The following WTIP variants were observed in gnomAD, a reference collection of about 807,000 sequenced individuals.
WTIP encodes WT1 interacting protein, also known as Wilms tumor protein 1-interacting protein.
In WTIP, 23 loss-of-function variants were observed where a neutral mutation model predicts 41.7. That is an observed-to-expected ratio of 0.55 (90% CI 0.40 to 0.78). The LOEUF (loss-of-function observed/expected upper bound fraction) is 0.78. WTIP is among the 30% of genes least tolerant of loss of function. WTIP has a pLI of 0.00. For synonymous variants in WTIP, 314 were observed against 269.9 expected, an observed-to-expected ratio of 1.16 and a Z score of -1.60; for missense variants, 619 against 610.5, an observed-to-expected ratio of 1.01 and a Z score of -0.15.
At position 34,500,320 on chromosome 19, in the gene WTIP, G is replaced by T; in HGVS notation, c.*51G>T. 6.7e-7 allele frequency: 1 copy of T among 1,503,646 alleles called. No homozygotes were observed. Among genetic ancestry groups the T allele is most frequent in the South Asian group, 1.3e-5 (1 of 75,910 alleles). 93.1% of individuals were successfully genotyped at this position (1,503,646 alleles called of 1,614,324 possible). On this transcript the variant is annotated 3_prime_UTR_variant, in exon 8 of 8. Transcript: ENST00000590071. Reference sequence around the variant, plus strand: ...GGGGTGGGTGTGGGTGTGGAGGGAGGGCCCGCGTGGGTGGCCCTGGTCAGC... The same window carrying T: ...GGGGTGGGTGTGGGTGTGGAGGGAGTGCCCGCGTGGGTGGCCCTGGTCAGC...
rs2075773816 is a variant in WTIP, at chr19:34,482,536, C to T, written c.562C>T (p.Pro188Ser). The change falls in exon 1 of 8, where the codon CCC becomes TCC. Residue 188 changes from proline to serine, a missense_variant. Pro to Ser is a moderately conservative substitution (Grantham distance 74, BLOSUM62 -1). Around this residue, in one of 3 missense-constraint regions of WTIP, gnomAD observed 363 missense variants for 309.0 expected, o/e 1.17. Transcript: ENST00000590071. ...APFPLPALPL[P>S]PGREGGPSAA... ...CTTCCCGCTGCCTGCACTCCCGCTGCCCCCTGGCCGGGAGGGCGGCCCAAG... is the reference window on the plus strand; with the variant it reads ...CTTCCCGCTGCCTGCACTCCCGCTGTCCCCTGGCCGGGAGGGCGGCCCAAG... 1.6e-6 allele frequency: 2 copies of T among 1,226,952 alleles called. No individual in the cohort carries two copies. Among genetic ancestry groups the T allele is most frequent in the Non-Finnish European group, 2.0e-6 (2 of 985,786 alleles). 76.0% of individuals were successfully genotyped at this position (1,226,952 alleles called of 1,614,324 possible).
chr19:34,481,936 G>T lies in WTIP; in HGVS notation c.-39G>T. On this transcript the variant is annotated 5_prime_UTR_variant, in exon 1 of 8. Coordinates refer to ENST00000590071, the MANE Select transcript of WTIP (RefSeq NM_001080436.2). ...CCCGGCCGGAGCGGCGGCGGGAAGC[G>T]GAGGCGGAGGTGACGCGCCAGGGCC... 1.0e-6 allele frequency: 1 copy of T among 986,670 alleles called. No homozygotes were observed. The highest frequency in any genetic ancestry group is 1.1e-4 in the East Asian group (1 of 9,114). 61.1% of individuals were successfully genotyped at this position (986,670 alleles called of 1,614,324 possible).
intron 1 of WTIP, among the ~76,000 whole-genome samples, chr19:34,490,124 G>A (rs2075818134): frequency 1.3e-5 from 2 of 152,214 alleles, no homozygotes; most frequent in African/African-American, 2.4e-5. Flanking sequence ...GTGATGGACA[G>A]CTTTGATTAG....
chr19:34,503,352 A>G lies in WTIP; in HGVS notation c.*3083A>G, dbSNP rs1256384103. On this transcript the variant is annotated 3_prime_UTR_variant, in exon 8 of 8. Transcript: ENST00000590071. ...CCTCTATGAAGAAACCTTGGCCTCT[A>G]TGAAGTCAGGCCCCAGTTGTGACAC... The G allele has an allele frequency of 1.6e-5, 2 of 122,860 alleles. No homozygotes were observed. The highest frequency in any genetic ancestry group is 8.0e-5 in the Admixed American group (1 of 12,532). 7.6% of individuals were successfully genotyped at this position (122,860 alleles called of 1,614,324 possible). A position where few individuals can be genotyped will look rare whatever the true frequency, so the allele number is the denominator to read the frequency against.
Position 34,505,012 on chromosome 19 carries a change from C to T in WTIP, c.*4743C>T, listed in dbSNP as rs1401087024. On this transcript the variant is annotated 3_prime_UTR_variant, in exon 8 of 8. Coordinates refer to ENST00000590071, the MANE Select transcript of WTIP (RefSeq NM_001080436.2). The stretch of plus-strand genomic sequence containing the variant: ...GGGGGAGCATCAGGGCCACCTGCAG[C>T]CTCCACCCAGCCCAGCTCTGGAGGC... The T allele has an allele frequency of 6.6e-6, 1 of 152,640 alleles. No individual in the cohort carries two copies. Among genetic ancestry groups the T allele is most frequent in the African/African-American group, 2.4e-5 (1 of 41,432 alleles). The allele number at this position is 152,640 out of a possible 1,614,324, so 9.5% of individuals were successfully genotyped here. A position where few individuals can be genotyped will look rare whatever the true frequency, so the allele number is the denominator to read the frequency against.
rs970360967 is a variant in WTIP at position 34,494,780 on chromosome 19, G to T, written c.1083+143G>T. On this transcript the variant is annotated intron_variant, in intron 6 of 7. Coordinates refer to ENST00000590071, the MANE Select transcript of WTIP (RefSeq NM_001080436.2). ...CGCAGATCTTTCAGGGCTGAGGGAT[G>T]TGTGTTGTGCTTGTGTACGTGGGGT... 1.0e-4 allele frequency: 89 copies of T among 848,686 alleles called. No homozygotes were observed. In the African/African-American group the frequency reaches 1.4e-3, roughly 13 times the overall value. The allele number at this position is 848,686 out of a possible 1,614,324, so 52.6% of individuals were successfully genotyped here.
intron 7 of WTIP, chr19:34,498,611 C>T (rs1005409442): frequency 6.6e-6 from 1 of 152,348 alleles, no homozygotes; most frequent in African/African-American, 2.4e-5. Context: ...CTTTAAAAAC[C>T]ATCACGTGAC....
At chr19:34,500,056 C>T in intron 7 of WTIP, 73 bp from the exon 8 acceptor site, 3 of 1,556,686 alleles carry the variant, frequency 1.9e-6, no homozygotes, top group South Asian at 2.4e-5. Context: ...CCCCTCCGTC[C>T]CTCCCCCGTC....
At chr19:34,490,296 C>A in intron 1 of WTIP, 80 bp from the exon 2 acceptor site, 1 of 1,334,464 alleles carries the variant, frequency 7.5e-7, no homozygotes, top group Non-Finnish European at 1.1e-6. Flanking sequence ...AGCGGGTGGG[C>A]GGTGTCAAGA....
intron 1 of WTIP, among the ~76,000 whole-genome samples, chr19:34,489,301 A>C (rs2075813954): frequency 6.6e-6 from 1 of 151,286 alleles, no homozygotes. Context: ...ACTCGATGCA[A>C]GCTTCTTGAA....
At chr19:34,498,900 C>A (rs2075869812) in intron 7 of WTIP, among the ~76,000 whole-genome samples, 1 of 146,930 alleles carries the variant, frequency 6.8e-6, no homozygotes. Context: ...TCAAAAAAAA[C>A]AAAAACAAAA....
intron 1 of WTIP, among the ~76,000 whole-genome samples, chr19:34,483,006 CTT>C (rs1307348148): frequency 1.2e-4 from 15 of 122,980 alleles, no homozygotes; most frequent in Non-Finnish European, 1.9e-4. Context: ...TTTCTTTCTT[CTT>C]TTTTTTTTTT....
At chr19:34,483,716 G>A (rs1368269499) in intron 1 of WTIP, among the ~76,000 whole-genome samples, 3 of 152,172 alleles carry the variant, frequency 2.0e-5, no homozygotes, top group Non-Finnish European at 2.9e-5. Context: ...CTAGTTCTTG[G>A]GACAGCTCTT....
At position 34,482,007 on chromosome 19, in the gene WTIP, G is replaced by A. The variant is rs1482758178; in HGVS notation, c.33G>A (p.Ala11=). Residue 11 remains alanine (A), a synonymous_variant, in exon 1 of 8, where the codon GCG becomes GCA. Coordinates refer to ENST00000590071, the MANE Select transcript of WTIP (RefSeq NM_001080436.2). ...GCTCCAGGGCGGGCGCGGACGAGGCGGCCCTACTCCTGGCCGGGCTGGCCC... is the reference window on the plus strand; with the variant it reads ...GCTCCAGGGCGGGCGCGGACGAGGCAGCCCTACTCCTGGCCGGGCTGGCCC... MQRSRAGADE[A]ALLLAGLALR... is the part of the protein sequence containing the mutation. 1.1e-5 allele frequency: 11 copies of A among 1,019,586 alleles called. No homozygotes were observed. Among genetic ancestry groups the A allele is most frequent in the Non-Finnish European group, 1.2e-5 (10 of 853,646 alleles). 63.2% of individuals were successfully genotyped at this position (1,019,586 alleles called of 1,614,324 possible). A position where few individuals can be genotyped will look rare whatever the true frequency, so the allele number is the denominator to read the frequency against.
intron 1 of WTIP, among the ~76,000 whole-genome samples, chr19:34,486,657 C>CCCAGTCCCT (rs2075799186): frequency 6.6e-6 from 1 of 151,756 alleles, no homozygotes; most frequent in Non-Finnish European, 1.5e-5. Context: ...TGAGCCACCG[C>CCCAGTCCCT]GCCTGGCCGC....
chr19:34,492,970 C>T (rs1258774050), intron 2 of WTIP, 67 bp from the exon 3 acceptor site: 2 of 1,555,530 alleles, frequency 1.3e-6, no homozygotes, highest in Admixed American at 3.3e-5. Context: ...GTGCTGAGAG[C>T]TGGAAGCACG....
At position 34,482,023 on chromosome 19, in the gene WTIP, G is replaced by C; in HGVS notation, c.49G>C (p.Gly17Arg). ...GADEAALLLA[G>R]LALRELEPGC... ...GGACGAGGCGGCCCTACTCCTGGCC[G>C]GGCTGGCCCTGCGGGAGCTGGAGCC... The change falls in exon 1 of 8, where the codon GGG becomes CGG. Residue 17 changes from glycine to arginine, a missense_variant. Transcript: ENST00000590071. 2.0e-6 allele frequency: 2 copies of C among 1,024,706 alleles called. No individual in the cohort carries two copies. Among genetic ancestry groups the C allele is most frequent in the Non-Finnish European group, 2.3e-6 (2 of 856,806 alleles). The allele number at this position is 1,024,706 out of a possible 1,614,324, so 63.5% of individuals were successfully genotyped here. A position where few individuals can be genotyped will look rare whatever the true frequency, so the allele number is the denominator to read the frequency against.
chr19:34,502,866 C>T lies in WTIP; in HGVS notation c.*2597C>T, dbSNP rs958182855. 6.6e-6 allele frequency: 1 copy of T among 152,250 alleles called. No individual in the cohort carries two copies. Among genetic ancestry groups the T allele is most frequent in the Non-Finnish European group, 1.5e-5 (1 of 68,120 alleles). 9.4% of individuals were successfully genotyped at this position (152,250 alleles called of 1,614,324 possible). ...ACCGTGCCTGGCCTGGGCTCCTTTG[C>T]CTTCTAACTGGTCAGTTGCAAAGCT... On this transcript the variant is annotated 3_prime_UTR_variant, in exon 8 of 8. Coordinates refer to ENST00000590071, the MANE Select transcript of WTIP (RefSeq NM_001080436.2).
chr19:34,485,109 A>G (rs1001528346), intron 1 of WTIP, among the ~76,000 whole-genome samples: 15 of 152,018 alleles, frequency 9.9e-5, no homozygotes, highest in Non-Finnish European at 2.1e-4. Context: ...TTTGAGACGG[A>G]GTCTTGCTCT....
Sources: gnomAD v4.1 joint callset for allele counts (sites outside exome capture counted in the v4.1 genomes callset) on GRCh38, gnomAD v4.1.1 for gene constraint, gnomAD v4.1.1 regional missense constraint, MANE v1.5 for transcripts, NCBI Gene and HGNC (gene_info 2026-07-23, HGNC 2026-07-21) for gene names.